Variants in ICA1 observed in about 807,000 individuals in gnomAD.
ICA1 encodes 69 kDa islet cell autoantigen.
In ICA1, 40 loss-of-function variants were observed where a neutral mutation model predicts 71.0. The observed-to-expected ratio is 0.56, with a 90% CI of 0.44 to 0.73. ICA1 has a LOEUF of 0.73. Ranked by LOEUF, ICA1 falls within the 30% of genes least tolerant of loss-of-function variation. The pLI is 0.00. For synonymous variants in ICA1, 207 were observed against 209.5 expected, an observed-to-expected ratio of 0.99 and a Z score of 0.10; for missense variants, 578 against 576.5, an observed-to-expected ratio of 1.00 and a Z score of -0.03.
intron 6 of ICA1, among the ~76,000 whole-genome samples, chr7:8,168,031 G>GGGAGA (rs1491563837): frequency 5.5e-4 from 37 of 67,590 alleles, no homozygotes; most frequent in African/African-American, 2.4e-3. Context: ...AGAAAAAGAG[G>GGGAGA]GAGAGAGAGA....
intron 13 of ICA1, among the ~76,000 whole-genome samples, chr7:8,127,547 G>A (rs979323076): frequency 3.3e-5 from 5 of 152,238 alleles, no homozygotes; most frequent in Middle Eastern, 3.4e-3. Flanking sequence ...AACTCAGGGC[G>A]GAGTGGCCAA....
At chr7:8,199,400 C>A (rs555539713) in intron 6 of ICA1, among the ~76,000 whole-genome samples, 3 of 152,130 alleles carry the variant, frequency 2.0e-5, no homozygotes, top group Non-Finnish European at 4.4e-5. Context: ...CAATAGAGTA[C>A]TATTCAGCCA....
intron 13 of ICA1, 100 bp from the exon 14 acceptor site, chr7:8,114,144 G>C: frequency 7.7e-7 from 1 of 1,293,294 alleles, no homozygotes; most frequent in Non-Finnish European, 1.1e-6. Flanking sequence ...AATGCAGATT[G>C]TTCAATCAGA....
rs573636638 is a variant in ICA1, at chr7:8,180,853, G to A, written c.580-22201C>T. 1.3e-3 allele frequency among the ~76,000 whole-genome samples: 186 copies of A among 145,640 alleles called. 5 individuals carry two copies. The highest frequency in any genetic ancestry group is 0.013 in the Admixed American group (183 of 14,566). On this transcript the variant is annotated intron_variant, in intron 6 of 13. Transcript: ENST00000402384. ...TCTCTCTCTCTTTTTTTTTTTTTGA[G>A]TTGTAGAACTTCTTTAGATGTTCTG... is the stretch of plus-strand genomic sequence containing the variant.
chr7:8,186,779 A>G (rs953588255), intron 6 of ICA1, among the ~76,000 whole-genome samples: 1 of 152,226 alleles, frequency 6.6e-6, no homozygotes, highest in Non-Finnish European at 1.5e-5. Flanking sequence ...TCCATTACAT[A>G]TAAGTGACAG....
At chr7:8,259,102 ATT>A (rs1811302267) in intron 1 of ICA1, among the ~76,000 whole-genome samples, 2 of 152,214 alleles carry the variant, frequency 1.3e-5, no homozygotes, top group African/African-American at 4.8e-5. Context: ...ATCCACACTT[ATT>A]TTAACAAGCC....
intron 6 of ICA1, among the ~76,000 whole-genome samples, chr7:8,214,765 T>A (rs1794871835): frequency 6.6e-6 from 1 of 152,262 alleles, no homozygotes; most frequent in Non-Finnish European, 1.5e-5. Flanking sequence ...TTCAGGTTTT[T>A]CATTCATCAT....
intron 1 of ICA1, among the ~76,000 whole-genome samples, chr7:8,239,381 C>A (rs1802967052): frequency 6.6e-6 from 1 of 152,162 alleles, no homozygotes; most frequent in Non-Finnish European, 1.5e-5. Context: ...CTCTTCCTGG[C>A]CTCAAATATA....
At chr7:8,146,742 C>CGTGTGT (rs111464131) in intron 8 of ICA1, among the ~76,000 whole-genome samples, 1 of 143,662 alleles carries the variant, frequency 7.0e-6, no homozygotes, top group African/African-American at 2.6e-5. Flanking sequence ...TGTGCGTGTG[C>CGTGTGT]GTGTGTGTGT....
At position 8,202,435 on chromosome 7, in the gene ICA1, T is replaced by C. The variant is rs3779365; in HGVS notation, c.579+15870A>G. On this transcript the variant is annotated intron_variant, in intron 6 of 13. Transcript: ENST00000402384. ...ATTGCTTAGAACTGTAGCTGATACA[T>C]GATAAACTTTTTAAATGTGCTAATT... Among the ~76,000 whole-genome samples the C allele has an allele frequency of 2.7e-3, 412 of 152,360 alleles. 7 individuals are homozygous for C. The East Asian group carries it at 0.042, about 16-fold the overall frequency.
intron 1 of ICA1, among the ~76,000 whole-genome samples, chr7:8,254,966 G>A (rs373465718): frequency 9.5e-4 from 144 of 152,190 alleles, no homozygotes; most frequent in African/African-American, 3.3e-3. Flanking sequence ...TTGGCACTGC[G>A]CTGGGCACCT....
chr7:8,229,083 T>C (rs759260828), intron 3 of ICA1, among the ~76,000 whole-genome samples: 37 of 152,174 alleles, frequency 2.4e-4, no homozygotes, highest in Non-Finnish European at 1.0e-4. Context: ...ATCTGTCAAT[T>C]AAGCATATTT....
intron 13 of ICA1, among the ~76,000 whole-genome samples, chr7:8,126,802 T>C (rs1789370844): frequency 6.6e-6 from 1 of 152,166 alleles, no homozygotes; most frequent in African/African-American, 2.4e-5. Flanking sequence ...AGTGTTGAAA[T>C]ACTAAAAAAT....
rs188092214 is a variant in ICA1 at position 8,115,353 on chromosome 7, G to A, written c.1331-1309C>T. Among the ~76,000 whole-genome samples, 121 of 152,284 alleles carry A rather than the reference G, an allele frequency of 7.9e-4. 1 individual carries two copies. The highest frequency in any genetic ancestry group is 2.7e-3 in the African/African-American group (113 of 41,544). ...GCTCACTGTAGCTTAGTTGGAGGGG[G>A]AGTGGGCAGGGTATTGCCTAAAAAA... On this transcript the variant is annotated intron_variant, in intron 13 of 13. Coordinates refer to ENST00000402384, the MANE Select transcript of ICA1 (RefSeq NM_001136020.3).
chr7:8,217,096 T>C (rs1308381225), intron 6 of ICA1, among the ~76,000 whole-genome samples: 2 of 152,214 alleles, frequency 1.3e-5, no homozygotes, highest in Admixed American at 6.5e-5. Context: ...GGCTTTGATT[T>C]TTCTCTTCTA....
At chr7:8,163,154 T>A (rs1804546857) in intron 6 of ICA1, among the ~76,000 whole-genome samples, 1 of 152,212 alleles carries the variant, frequency 6.6e-6, no homozygotes, top group African/African-American at 2.4e-5. Context: ...GAGCAATGAT[T>A]TGACTGGCAA....
chr7:8,181,587 T>C (rs575594036), intron 6 of ICA1, among the ~76,000 whole-genome samples: 1 of 152,298 alleles, frequency 6.6e-6, no homozygotes, highest in East Asian at 1.9e-4. Flanking sequence ...AAGGAAGTCT[T>C]CTAATTCATA....
At chr7:8,241,623 T>C (rs1752592432) in intron 1 of ICA1, among the ~76,000 whole-genome samples, 2 of 151,954 alleles carry the variant, frequency 1.3e-5, no homozygotes, top group Admixed American at 1.3e-4. Flanking sequence ...GACTGGCAAA[T>C]TGGATAAAGA....
chr7:8,208,807 G>A (rs1473147014), intron 6 of ICA1, among the ~76,000 whole-genome samples: 3 of 152,148 alleles, frequency 2.0e-5, no homozygotes, highest in South Asian at 4.1e-4. Flanking sequence ...GGTAGGGGGA[G>A]TTGTCACAGG....
Sources: gnomAD v4.1 joint callset for allele counts (sites outside exome capture counted in the v4.1 genomes callset) on GRCh38, gnomAD v4.1.1 for gene constraint, MANE v1.5 for transcripts, NCBI Gene and HGNC (gene_info 2026-07-23, HGNC 2026-07-21) for gene names.